GKAP1: variants seen among roughly 807,000 people sequenced by gnomAD.
The protein encoded by GKAP1 is G kinase anchoring protein 1, also known as G kinase-anchoring protein 1.
GKAP1 carries 31 observed loss-of-function variants against 56.7 expected under a neutral mutation model. That is an observed-to-expected ratio of 0.55 (90% CI 0.41 to 0.74). The LOEUF (loss-of-function observed/expected upper bound fraction) is 0.74, where lower values mean the gene tolerates loss of function less well. Among genes scored for constraint, GKAP1 ranks in the 30% least tolerant of loss-of-function variants. The pLI, the probability that GKAP1 is intolerant of heterozygous loss-of-function variation, is 0.00. For missense variants in GKAP1, 364 were observed against 402.3 expected (o/e 0.90, Z 0.82); for synonymous variants, 151 against 138.6 (o/e 1.09, Z -0.63).
At chr9:83,779,057 G>C (rs914044014) in intron 7 of GKAP1, among the ~76,000 whole-genome samples, 1 of 151,910 alleles carries the variant, frequency 6.6e-6, no homozygotes, top group African/African-American at 2.4e-5. Context: ...TTAGGAGCAG[G>C]TACACCATGT....
intron 2 of GKAP1, among the ~76,000 whole-genome samples, chr9:83,816,181 T>C (rs928122752): frequency 2.6e-5 from 4 of 151,196 alleles, no homozygotes; most frequent in African/African-American, 7.3e-5. Context: ...AAGAGCAAAA[T>C]TCCGCCTCAA....
At chr9:83,780,061 G>A (rs1188484497) in intron 7 of GKAP1, among the ~76,000 whole-genome samples, 1 of 151,992 alleles carries the variant, frequency 6.6e-6, no homozygotes, top group African/African-American at 2.4e-5. Context: ...TTAAAATATA[G>A]AGTGAGAGAT....
At chr9:83,757,502 G>A (rs1943496992) in intron 8 of GKAP1, among the ~76,000 whole-genome samples, 1 of 152,072 alleles carries the variant, frequency 6.6e-6, no homozygotes, top group African/African-American at 2.4e-5. Context: ...TGATTTTAGG[G>A]CCTATTGAAT....
intron 7 of GKAP1, among the ~76,000 whole-genome samples, chr9:83,771,237 G>GTTGTTTGTTTGTTTGT: frequency 6.6e-6 from 1 of 150,854 alleles, no homozygotes; most frequent in African/African-American, 2.4e-5. Context: ...TAATTTTTTT[G>GTTGTTTGTTTGTTTGT]TTGTTTGTTT....
chr9:83,787,953 T>C (rs1587725021), intron 5 of GKAP1, among the ~76,000 whole-genome samples: 1 of 152,330 alleles, frequency 6.6e-6, no homozygotes, highest in South Asian at 2.1e-4. Flanking sequence ...ATTAAAATTT[T>C]AAATCCACTT....
intron 8 of GKAP1, among the ~76,000 whole-genome samples, chr9:83,755,433 G>A (rs940420568): frequency 2.0e-5 from 3 of 152,082 alleles, no homozygotes; most frequent in Non-Finnish European, 1.5e-5. Flanking sequence ...CAAAGATTTT[G>A]CTTTATTGTT....
At chr9:83,799,158 A>G in intron 4 of GKAP1, 27 bp downstream of exon 4, 1 of 1,605,964 alleles carries the variant, frequency 6.2e-7, no homozygotes, top group Admixed American at 1.7e-5. Flanking sequence ...AATGAAAAAC[A>G]AAGCAATTTT....
In GKAP1 at chr9:83,803,943, C is replaced by T. The variant is rs1194895851; in HGVS notation, c.216+2359G>A. Among the ~76,000 whole-genome samples, 11 of 150,490 alleles carry T rather than the reference C, an allele frequency of 7.3e-5. 1 individual carries two copies. The highest frequency in any genetic ancestry group is 2.4e-4 in the African/African-American group (10 of 40,870). ...TGTGAGGAGCGCCTCTGCCCGGCCG[C>T]GACCCCGTCTGGGAGGTGAGGAGCG... On this transcript the variant is annotated intron_variant, in intron 3 of 12. Transcript: ENST00000376371.
At chr9:83,771,835 A>C (rs1229151570) in intron 7 of GKAP1, among the ~76,000 whole-genome samples, 1 of 152,222 alleles carries the variant, frequency 6.6e-6, no homozygotes, top group Non-Finnish European at 1.5e-5. Context: ...GCTAGCAACT[A>C]ATCAGCCTCT....
In GKAP1 at chr9:83,812,864, C is replaced by G. The variant is rs575684625; in HGVS notation, c.-44+4132G>C. Among the ~76,000 whole-genome samples, 5 of 152,268 alleles carry G rather than the reference C, an allele frequency of 3.3e-5. No individual in the cohort carries two copies. The East Asian group carries it at 9.6e-4, about 29-fold the overall frequency. On this transcript the variant is annotated intron_variant, in intron 2 of 12. Transcript: ENST00000376371. ...AGACAAGTCAAACGACAGAGAGCAA[C>G]TATCGAAGACTAATATGTTGCATAC...
chr9:83,780,509 C>T, intron 6 of GKAP1, 105 bp from the exon 7 acceptor site: 1 of 607,344 alleles, frequency 1.6e-6, no homozygotes, highest in Non-Finnish European at 2.9e-6. Flanking sequence ...TCAAAATTAT[C>T]TCCTATGAGT....
intron 8 of GKAP1, among the ~76,000 whole-genome samples, chr9:83,764,059 AAAAAAGAT>A (rs1943620560): frequency 6.6e-6 from 1 of 152,202 alleles, no homozygotes; most frequent in Non-Finnish European, 1.5e-5. Context: ...AGGTGGCTTT[AAAAAAGAT>A]ACTACAAAGG....
At chr9:83,808,822 C>T (rs1032519266) in intron 2 of GKAP1, among the ~76,000 whole-genome samples, 13 of 152,206 alleles carry the variant, frequency 8.5e-5, no homozygotes, top group Non-Finnish European at 1.6e-4. Context: ...AGGTAACTTA[C>T]TTTGGCCAGC....
At chr9:83,805,802 C>T (rs960168924) in intron 3 of GKAP1, among the ~76,000 whole-genome samples, 3 of 152,162 alleles carry the variant, frequency 2.0e-5, no homozygotes, top group African/African-American at 7.2e-5. Context: ...ACACAAACTT[C>T]CAGTCAGAAA....
In GKAP1 at chr9:83,743,964, A is replaced by G. The variant is rs1302570491; in HGVS notation, c.905-1364T>C. The stretch of plus-strand genomic sequence containing the variant: ...AACTAGGAGAGACTAGAGAGGTAAA[A>G]TTGTAATAAAATTAGCAAAGGAGGA... On this transcript the variant is annotated intron_variant, in intron 10 of 12. Coordinates refer to ENST00000376371, the MANE Select transcript of GKAP1 (RefSeq NM_025211.4). 3.9e-5 allele frequency among the ~76,000 whole-genome samples: 6 copies of G among 152,298 alleles called. No individual in the cohort carries two copies. The East Asian group carries it at 1.2e-3, about 29-fold the overall frequency.
chr9:83,803,993 G>A (rs561442331), intron 3 of GKAP1, among the ~76,000 whole-genome samples: 4 of 149,912 alleles, frequency 2.7e-5, no homozygotes, highest in Admixed American at 6.6e-5. Context: ...CCCCGTCTGA[G>A]AAGTGAGGAG....
chr9:83,768,975 CA>C lies in GKAP1; in HGVS notation c.586-6del. On this transcript the variant is annotated splice_polypyrimidine_tract_variant and splice_region_variant and intron_variant, in intron 7 of 12. Transcript: ENST00000376371. Reference sequence around the variant, plus strand: ...AGTCTGAGAAGAACTCAATTCCTGTCAAAAATGAATTACGATTTACTATCAT... The same window carrying C: ...AGTCTGAGAAGAACTCAATTCCTGTCAAAATGAATTACGATTTACTATCAT... The C allele has an allele frequency of 1.2e-6, 2 of 1,602,058 alleles. No individual in the cohort carries two copies. The highest frequency in any genetic ancestry group is 8.5e-7 in the Non-Finnish European group (1 of 1,176,136).
intron 8 of GKAP1, among the ~76,000 whole-genome samples, chr9:83,762,416 T>C (rs1943589119): frequency 6.6e-6 from 1 of 152,052 alleles, no homozygotes; most frequent in African/African-American, 2.4e-5. Flanking sequence ...GATGACAAAA[T>C]GGAAAGATAT....
At chr9:83,792,593 G>T (rs1171102716) in intron 4 of GKAP1, among the ~76,000 whole-genome samples, 1 of 152,108 alleles carries the variant, frequency 6.6e-6, no homozygotes, top group Admixed American at 6.5e-5. Flanking sequence ...AGATAACAGG[G>T]AGAATGGTAG....
Sources: gnomAD v4.1 joint callset for allele counts (sites outside exome capture counted in the v4.1 genomes callset) on GRCh38, gnomAD v4.1.1 for gene constraint, MANE v1.5 for transcripts, NCBI Gene and HGNC (gene_info 2026-07-23, HGNC 2026-07-21) for gene names.